Variants in FRMPD4 observed in about 807,000 individuals in gnomAD.
FRMPD4 encodes the protein FERM and PDZ domain containing 4.
FRMPD4 carries 22 observed loss-of-function variants against 94.1 expected under a neutral mutation model. The ratio of observed to expected loss-of-function variants is 0.23; its 90% CI spans 0.17 to 0.33. The LOEUF is 0.33. Among genes scored for constraint, FRMPD4 ranks in the 10% least tolerant of loss-of-function variants. The pLI, the probability that FRMPD4 is intolerant of heterozygous loss-of-function variation, is 1.00. For missense variants in FRMPD4, 1,111 were observed against 1,339.9 expected, an observed-to-expected ratio of 0.83 and a Z score of 2.67; for synonymous variants, 631 against 548.6, an observed-to-expected ratio of 1.15 and a Z score of -2.10.
At chrX:12,327,025 C>T (rs2055300308) in intron 1 of FRMPD4, among the ~76,000 whole-genome samples, 1 of 111,495 alleles carries the variant, frequency 9.0e-6, no homozygotes, top group Non-Finnish European at 1.9e-5. Context: ...GTCAAAGTCA[C>T]AACTTCTCCA....
At chrX:12,097,221 C>T (rs1601936148) in intron 3 of FRMPD4, among the ~76,000 whole-genome samples, 1 of 111,750 alleles carries the variant, frequency 8.9e-6, no homozygotes, top group Non-Finnish European at 1.9e-5. Flanking sequence ...TTGGAGAATG[C>T]AGAGAATGTT....
rs189801235 is a variant in FRMPD4, at chrX:12,516,128, C to T, written c.158+17332C>T. Among the ~76,000 whole-genome samples, 3 of 111,874 alleles carry T rather than the reference C, an allele frequency of 2.7e-5. No individual in the cohort carries two copies. In the Admixed American group the frequency reaches 2.8e-4, roughly 11 times the overall value. ...AGATGGGTCTCTTGAATATTGCAAGCTGATGGGTCTTGACTCTTTATCCAA... is the reference window on the plus strand; with the variant it reads ...AGATGGGTCTCTTGAATATTGCAAGTTGATGGGTCTTGACTCTTTATCCAA... On this transcript the variant is annotated intron_variant, in intron 2 of 16. Transcript: ENST00000675598.
chrX:12,238,739 C>T (rs767403570), intron 1 of FRMPD4, among the ~76,000 whole-genome samples: 1 of 111,769 alleles, frequency 8.9e-6, no homozygotes, highest in South Asian at 3.7e-4. Context: ...TTGTGAAAAC[C>T]GTGCCTTCTC....
chrX:12,090,647 A>G (rs1423203017), intron 3 of FRMPD4, among the ~76,000 whole-genome samples: 3 of 111,215 alleles, frequency 2.7e-5, no homozygotes, highest in Non-Finnish European at 5.6e-5. Flanking sequence ...AATGTTCATT[A>G]TTACCTGGAA....
At chrX:12,569,870 A>T (rs1267357713) in intron 2 of FRMPD4, among the ~76,000 whole-genome samples, 2 of 111,838 alleles carry the variant, frequency 1.8e-5, no homozygotes, top group Non-Finnish European at 3.8e-5. Flanking sequence ...GTGTGACAGG[A>T]CTGCCAGGTT....
At chrX:12,369,838 T>C (rs1470043697) in intron 1 of FRMPD4, among the ~76,000 whole-genome samples, 3 of 112,364 alleles carry the variant, frequency 2.7e-5, no homozygotes, top group African/African-American at 9.7e-5. Context: ...CTAGTTCCTA[T>C]GCCAAAGAGT....
chrX:12,262,858 G>C (rs1601752973), intron 1 of FRMPD4, among the ~76,000 whole-genome samples: 1 of 111,589 alleles, frequency 9.0e-6, no homozygotes, highest in Non-Finnish European at 1.9e-5. Flanking sequence ...TCATGAAATG[G>C]GGATTGCTAT....
chrX:12,268,017 G>C (rs1054615908), intron 1 of FRMPD4, among the ~76,000 whole-genome samples: 1 of 112,540 alleles, frequency 8.9e-6, no homozygotes, highest in East Asian at 2.8e-4. Flanking sequence ...CCTTACTTAC[G>C]CAATTTGGAC....
At chrX:12,090,297 C>G (rs1185015466) in intron 3 of FRMPD4, among the ~76,000 whole-genome samples, 1 of 109,779 alleles carries the variant, frequency 9.1e-6, no homozygotes, top group Non-Finnish European at 1.9e-5. Flanking sequence ...ACCTCTCTCT[C>G]TTGCTCCTGC....
chrX:12,690,317 T>A lies in FRMPD4; in HGVS notation c.804T>A (p.Thr268=). Residue 268 remains threonine, a synonymous_variant, in exon 8 of 17, where the codon ACT becomes ACA. Transcript: ENST00000675598. ...TKLLLLHEQE[T]LTQVTQRPSS... is the part of the protein sequence containing the mutation. ...TGCTCTTGCTTCATGAACAGGAGAC[T>A]CTAACTCAGGTCTGTGAAATCTCAC... The A allele has an allele frequency of 8.3e-7, 1 of 1,209,247 alleles. No individual in the cohort carries two copies. The highest frequency in any genetic ancestry group is 1.1e-6 in the Non-Finnish European group (1 of 893,725).
chrX:12,610,170 G>A (rs962205655), intron 3 of FRMPD4, among the ~76,000 whole-genome samples: 4 of 111,813 alleles, frequency 3.6e-5, no homozygotes, highest in African/African-American at 9.8e-5. Flanking sequence ...GGCAGGCCCT[G>A]TACTGTATTA....
chrX:12,535,804 G>T (rs1223392435), intron 2 of FRMPD4, among the ~76,000 whole-genome samples: 2 of 111,220 alleles, frequency 1.8e-5, no homozygotes, highest in African/African-American at 6.5e-5. Flanking sequence ...ATACCATACA[G>T]CCCACAAAGC....
chrX:12,552,543 T>C (rs917577167), intron 2 of FRMPD4, among the ~76,000 whole-genome samples: 1 of 112,023 alleles, frequency 8.9e-6, no homozygotes, highest in East Asian at 2.8e-4. Flanking sequence ...TATATTCCAC[T>C]AGGGATGTTT....
intron 1 of FRMPD4, among the ~76,000 whole-genome samples, chrX:12,365,738 A>AGGGCAG (rs1429943323): frequency 8.9e-6 from 1 of 112,150 alleles, no homozygotes; most frequent in Non-Finnish European, 1.9e-5. Context: ...TCCTGCCACC[A>AGGGCAG]GGGCAGGGGC....
At chrX:11,896,048 A>G (rs1206606583) in intron 3 of FRMPD4, among the ~76,000 whole-genome samples, 1 of 112,240 alleles carries the variant, frequency 8.9e-6, no homozygotes, top group East Asian at 2.8e-4. Context: ...CTTCGATGTG[A>G]TTTCTCAATT....
At chrX:12,079,787 C>A (rs1171629355) in intron 3 of FRMPD4, among the ~76,000 whole-genome samples, 1 of 112,360 alleles carries the variant, frequency 8.9e-6, no homozygotes, top group Non-Finnish European at 1.9e-5. Flanking sequence ...CTATTTAAGT[C>A]ATTCTGCTAT....
chrX:12,510,886 G>A (rs2058035661), intron 2 of FRMPD4, among the ~76,000 whole-genome samples: 1 of 111,633 alleles, frequency 9.0e-6, no homozygotes, highest in South Asian at 3.7e-4. Context: ...ATGGGACTTG[G>A]TGAAGCACTG....
chrX:11,874,682 A>T (rs1205276803), intron 2 of FRMPD4, among the ~76,000 whole-genome samples: 1 of 111,755 alleles, frequency 8.9e-6, no homozygotes, highest in Non-Finnish European at 1.9e-5. Context: ...TGTAGGGCAG[A>T]ATGTGATCAC....
intron 2 of FRMPD4, among the ~76,000 whole-genome samples, chrX:12,514,004 T>C (rs1234593252): frequency 9.0e-6 from 1 of 111,442 alleles, no homozygotes; most frequent in African/African-American, 3.3e-5. Context: ...TCATTCATGG[T>C]TTGGCTCTCT....
Sources: allele counts gnomAD v4.1 joint callset (sites outside exome capture counted in the v4.1 genomes callset), GRCh38; gene constraint gnomAD v4.1.1; transcripts MANE v1.5; gene names NCBI Gene and HGNC (gene_info 2026-07-23, HGNC 2026-07-21).